The following ELF5 variants were observed in gnomAD, a reference collection of about 807,000 sequenced individuals.
The protein encoded by ELF5 is ETS-related transcription factor Elf-5.
ELF5 carries 31 observed loss-of-function variants against 38.2 expected under a neutral mutation model. That is an observed-to-expected ratio of 0.81 (90% CI 0.61 to 1.10). The LOEUF is 1.10. Ranked by LOEUF, ELF5 falls within the 50% of genes least tolerant of loss-of-function variation. The probability of loss-of-function intolerance (pLI) is 0.00; values close to 1 mark genes in which losing one functional copy is unlikely to be tolerated. For synonymous variants in ELF5, 121 were observed against 112.5 expected, an observed-to-expected ratio of 1.08 and a Z score of -0.48; for missense variants, 300 against 306.6, an observed-to-expected ratio of 0.98 and a Z score of 0.16.
rs1259269345 is a variant in ELF5, at chr11:34,490,050, A to C, written c.365T>G (p.Phe122Cys). Residue 122 changes from phenylalanine (F) to cysteine (C), a missense_variant, in exon 4 of 7, where the codon TTT becomes TGT. By Grantham distance (205) the Phe-to-Cys change is radical. Coordinates refer to ENST00000257832, the MANE Select transcript of ELF5 (RefSeq NM_001422.4). ...LQNIRTQGYS[F>C]FNDAEESKAT... Reference sequence around the variant, plus strand: ...CTTGCTTTCTTCAGCGTCATTAAAAAAGGAGTAACCTGGGAAAGAAAAAGA... The same window carrying C: ...CTTGCTTTCTTCAGCGTCATTAAAACAGGAGTAACCTGGGAAAGAAAAAGA... The C allele has an allele frequency of 6.2e-7, 1 of 1,614,020 alleles. No homozygotes were observed. Among genetic ancestry groups the C allele is most frequent in the South Asian group, 1.1e-5 (1 of 91,078 alleles).
intron 4 of ELF5, among the ~76,000 whole-genome samples, chr11:34,482,915 C>T (rs775429075): frequency 4.6e-5 from 7 of 152,140 alleles, no homozygotes; most frequent in African/African-American, 1.2e-4. Context: ...GAAAGCAAGA[C>T]GTTAACTCCG....
chr11:34,503,128 C>T (rs1318569560), intron 2 of ELF5, among the ~76,000 whole-genome samples: 2 of 152,168 alleles, frequency 1.3e-5, no homozygotes, highest in Non-Finnish European at 2.9e-5. Flanking sequence ...GTGCTATTCA[C>T]TTCCAGAATT....
At chr11:34,490,450 C>G (rs773930118) in intron 3 of ELF5, among the ~76,000 whole-genome samples, 1 of 152,086 alleles carries the variant, frequency 6.6e-6, no homozygotes, top group Non-Finnish European at 1.5e-5. Flanking sequence ...ATTGACATCA[C>G]GAGATAAAAT....
Position 34,479,261 on chromosome 11 carries a change from T to C in ELF5, c.*957A>G, listed in dbSNP as rs947850633. The C allele has an allele frequency of 1.3e-4, 20 of 152,534 alleles. No individual in the cohort carries two copies. Among genetic ancestry groups the C allele is most frequent in the African/African-American group, 4.6e-4 (19 of 41,466 alleles). 9.4% of individuals were successfully genotyped at this position (152,534 alleles called of 1,614,324 possible). ...TTTAACATCTGGACCTGAGATGGAA[T>C]CAATGAATTTCGATTTTATTGTGTT... On this transcript the variant is annotated 3_prime_UTR_variant, in exon 7 of 7. Coordinates refer to ENST00000257832, the MANE Select transcript of ELF5 (RefSeq NM_001422.4).
intron 4 of ELF5, 66 bp from the exon 5 acceptor site, chr11:34,482,565 C>T (rs1564973354): frequency 7.7e-7 from 1 of 1,295,588 alleles, no homozygotes; most frequent in Non-Finnish European, 1.1e-6. Flanking sequence ...TCAAGTCATA[C>T]CCAAATGAGC....
intron 3 of ELF5, chr11:34,492,706 C>A (rs1008640478): frequency 1.1e-4 from 17 of 152,442 alleles, no homozygotes; most frequent in Admixed American, 1.0e-3. Context: ...ACAGATGAGG[C>A]AGTGGGGATT....
chr11:34,504,372 C>G (rs377169928), intron 2 of ELF5, among the ~76,000 whole-genome samples: 120 of 152,096 alleles, frequency 7.9e-4, no homozygotes, highest in African/African-American at 2.7e-3. Flanking sequence ...CTAGACCTTA[C>G]AGATGAGGGT....
At chr11:34,484,379 C>A (rs12288820) in intron 4 of ELF5, among the ~76,000 whole-genome samples, 1 of 151,066 alleles carries the variant, frequency 6.6e-6, no homozygotes, top group African/African-American at 2.4e-5. Flanking sequence ...TAACTATACT[C>A]TACTGTACTA....
chr11:34,494,053 C>T (rs879897501), intron 2 of ELF5, among the ~76,000 whole-genome samples: 16 of 152,212 alleles, frequency 1.1e-4, no homozygotes, highest in Non-Finnish European at 2.4e-4. Flanking sequence ...ATCAAAAGCA[C>T]AAACTCAGCT....
At chr11:34,494,457 G>C (rs1850265468) in intron 2 of ELF5, among the ~76,000 whole-genome samples, 1 of 152,222 alleles carries the variant, frequency 6.6e-6, no homozygotes, top group Admixed American at 6.5e-5. Flanking sequence ...GGTCATGGGA[G>C]AGTTGGTTGT....
rs1477882386 is a variant in ELF5 at position 34,480,157 on chromosome 11, T to C, written c.*61A>G. The C allele has an allele frequency of 7.2e-7, 1 of 1,384,728 alleles. No individual in the cohort carries two copies. Among genetic ancestry groups the C allele is most frequent in the South Asian group, 1.2e-5 (1 of 83,438 alleles). 85.8% of individuals were successfully genotyped at this position (1,384,728 alleles called of 1,614,324 possible). A position where few individuals can be genotyped will look rare whatever the true frequency, so the allele number is the denominator to read the frequency against. Reference sequence around the variant, plus strand: ...GAAAATGAAGCCTTTCGAATGTCTATTGCAATCTGATTGTTTTAAAAGACA... The same window carrying C: ...GAAAATGAAGCCTTTCGAATGTCTACTGCAATCTGATTGTTTTAAAAGACA... On this transcript the variant is annotated 3_prime_UTR_variant, in exon 7 of 7. Coordinates refer to ENST00000257832, the MANE Select transcript of ELF5 (RefSeq NM_001422.4).
chr11:34,490,619 G>A (rs1850143704), intron 3 of ELF5, among the ~76,000 whole-genome samples: 1 of 152,188 alleles, frequency 6.6e-6, no homozygotes, highest in Non-Finnish European at 1.5e-5. Flanking sequence ...GTTTAATGAG[G>A]ATATGGAAGA....
chr11:34,499,706 G>T (rs1045239418), intron 2 of ELF5, among the ~76,000 whole-genome samples: 1 of 152,234 alleles, frequency 6.6e-6, no homozygotes, highest in African/African-American at 2.4e-5. Context: ...TGTGAAGCTA[G>T]ATGAACCTGC....
chr11:34,508,709 C>T (rs755319569), intron 1 of ELF5, among the ~76,000 whole-genome samples: 5 of 152,156 alleles, frequency 3.3e-5, no homozygotes, highest in Middle Eastern at 3.2e-3. Context: ...GTGAGTACCA[C>T]GTGTTGGAAG....
chr11:34,497,731 A>C (rs1850352017), intron 2 of ELF5, among the ~76,000 whole-genome samples: 1 of 152,178 alleles, frequency 6.6e-6, no homozygotes, highest in Admixed American at 6.5e-5. Context: ...CAGATTGCTA[A>C]CTGAAATCTC....
chr11:34,495,951 C>T (rs2133888576), intron 2 of ELF5, among the ~76,000 whole-genome samples: 1 of 152,368 alleles, frequency 6.6e-6, no homozygotes, highest in Middle Eastern at 3.4e-3. Context: ...TGAGCCTTGA[C>T]ATTTTTCAGC....
chr11:34,490,172 G>T, intron 3 of ELF5, 113 bp from the exon 4 acceptor site: 2 of 1,207,698 alleles, frequency 1.7e-6, no homozygotes, highest in Non-Finnish European at 2.4e-6. Flanking sequence ...CTTGAGGTTG[G>T]TTACAATTTA....
chr11:34,479,870 T>C lies in ELF5; in HGVS notation c.*348A>G, dbSNP rs1256883218. The C allele has an allele frequency of 5.0e-6, 1 of 198,508 alleles. No homozygotes were observed. Among genetic ancestry groups the C allele is most frequent in the East Asian group, 1.4e-4 (1 of 7,188 alleles). The allele number at this position is 198,508 out of a possible 1,614,324, so 12.3% of individuals were successfully genotyped here. ...TTTTGAACCTTTGGGATGGGAGCAT[T>C]GGATGTGTCTCTAATGGCAGAATTG... On this transcript the variant is annotated 3_prime_UTR_variant, in exon 7 of 7. Coordinates refer to ENST00000257832, the MANE Select transcript of ELF5 (RefSeq NM_001422.4).
chr11:34,495,324 T>C (rs1399841047), intron 2 of ELF5, among the ~76,000 whole-genome samples: 5 of 152,198 alleles, frequency 3.3e-5, no homozygotes, highest in Non-Finnish European at 5.9e-5. Context: ...TGGTGCGATT[T>C]GCAGCGTTTA....
Sources: gnomAD v4.1 joint callset for allele counts (sites outside exome capture counted in the v4.1 genomes callset) on GRCh38, gnomAD v4.1.1 for gene constraint, MANE v1.5 for transcripts, NCBI Gene and HGNC (gene_info 2026-07-23, HGNC 2026-07-21) for gene names.